Variants in ANKFN1 observed in about 807,000 individuals in gnomAD.
ANKFN1 encodes the protein ankyrin repeat and fibronectin type III domain containing 1, also known as ankyrin repeat and fibronectin type-III domain-containing protein 1.
In ANKFN1, 74 loss-of-function variants were observed where a neutral mutation model predicts 108.7. The ratio of observed to expected loss-of-function variants is 0.68; its 90% CI spans 0.56 to 0.83. The LOEUF is 0.83. Ranked by LOEUF, ANKFN1 falls within the 40% of genes least tolerant of loss-of-function variation. The pLI is 0.00. For missense variants in ANKFN1, 1,505 were observed against 1,382.3 expected (o/e 1.09, Z -1.41); for synonymous variants, 547 against 516.2 (o/e 1.06, Z -0.81).
intron 10 of ANKFN1, among the ~76,000 whole-genome samples, chr17:56,447,793 A>C (rs2049347180): frequency 6.6e-6 from 1 of 152,226 alleles, no homozygotes; most frequent in Non-Finnish European, 1.5e-5. Flanking sequence ...TATCCTGCAA[A>C]GTAGATACTA....
At chr17:56,224,324 A>T (rs75425250) in intron 2 of ANKFN1, among the ~76,000 whole-genome samples, 3,439 of 152,348 alleles carry the variant, frequency 0.023, 65 homozygotes, top group South Asian at 0.056. Context: ...TAGTCCTACC[A>T]TAGCATTAAG....
At chr17:56,472,298 C>A (rs939678521) in intron 15 of ANKFN1, 1 of 151,884 alleles carries the variant, frequency 6.6e-6, no homozygotes, top group African/African-American at 2.4e-5. Flanking sequence ...AATCTTGGAC[C>A]TACAAAGACC....
chr17:56,241,151 T>C lies in ANKFN1; in HGVS notation c.53+13194T>C, dbSNP rs149868929. Among the ~76,000 whole-genome samples the C allele has an allele frequency of 2.6e-4, 40 of 152,226 alleles. No individual in the cohort carries two copies. In the East Asian group the frequency reaches 7.7e-3, roughly 29 times the overall value. On this transcript the variant is annotated intron_variant, in intron 3 of 20. Coordinates refer to ENST00000682825, the MANE Select transcript of ANKFN1 (RefSeq NM_001370326.1). ...TTCACATTTGTGTTTTTTATCTATATGAAAGTTACATTTTCTGGAGGCTGA... is the reference window on the plus strand; with the variant it reads ...TTCACATTTGTGTTTTTTATCTATACGAAAGTTACATTTTCTGGAGGCTGA...
At chr17:56,091,359 A>G (rs763290852) in intron 4 of ANKFN1, among the ~76,000 whole-genome samples, 2 of 150,746 alleles carry the variant, frequency 1.3e-5, no homozygotes, top group Admixed American at 6.6e-5. Context: ...TTAAATGAAT[A>G]GGGTTTATTT....
rs189230981 is a variant in ANKFN1 at position 56,327,660 on chromosome 17, G to T, written c.188+1305G>T. Among the ~76,000 whole-genome samples, 8 of 152,254 alleles carry T rather than the reference G, an allele frequency of 5.3e-5. No individual in the cohort carries two copies. The East Asian group carries it at 1.5e-3, about 29-fold the overall frequency. On this transcript the variant is annotated intron_variant, in intron 4 of 20. Transcript: ENST00000682825. ...GAGTTGCCTACTGGTTACAGGAATGGTGAGATGTCAGGATAGTTGCATATT... is the reference window on the plus strand; with the variant it reads ...GAGTTGCCTACTGGTTACAGGAATGTTGAGATGTCAGGATAGTTGCATATT...
intron 3 of ANKFN1, among the ~76,000 whole-genome samples, chr17:56,228,742 G>T (rs1916480576): frequency 6.6e-6 from 1 of 152,064 alleles, no homozygotes; most frequent in African/African-American, 2.4e-5. Flanking sequence ...AGCTCAAAAT[G>T]TAGTAAGTTG....
intron 1 of ANKFN1, among the ~76,000 whole-genome samples, chr17:56,207,340 T>A (rs1914623276): frequency 6.6e-6 from 1 of 152,224 alleles, no homozygotes; most frequent in African/African-American, 2.4e-5. Flanking sequence ...TAATGCACAC[T>A]GTGTTTGAGA....
intron 3 of ANKFN1, among the ~76,000 whole-genome samples, chr17:56,258,637 G>A (rs898040854): frequency 1.6e-4 from 25 of 152,160 alleles, no homozygotes; most frequent in Non-Finnish European, 2.9e-4. Flanking sequence ...GAGGTCAGGC[G>A]CGGTGGCTCA....
chr17:56,241,971 GT>G (rs920136977), intron 3 of ANKFN1, among the ~76,000 whole-genome samples: 1 of 152,030 alleles, frequency 6.6e-6, no homozygotes, highest in African/African-American at 2.4e-5. Flanking sequence ...GTGGGATGGT[GT>G]GAGACTTCAT....
chr17:56,153,707 T>C, intron 1 of ANKFN1, 177 bp downstream of exon 1: 1 of 824,598 alleles, frequency 1.2e-6, no homozygotes, highest in Non-Finnish European at 2.0e-6. Context: ...CAAATGTTGA[T>C]CTGAAGTAGT....
At chr17:56,283,255 T>A (rs946212220) in intron 3 of ANKFN1, among the ~76,000 whole-genome samples, 1 of 152,080 alleles carries the variant, frequency 6.6e-6, no homozygotes, top group African/African-American at 2.4e-5. Context: ...TCCAGCTCCA[T>A]CATGTTGCTG....
chr17:56,068,913 T>C (rs1393533414), intron 4 of ANKFN1, among the ~76,000 whole-genome samples: 1 of 152,228 alleles, frequency 6.6e-6, no homozygotes, highest in Non-Finnish European at 1.5e-5. Flanking sequence ...CTCTTTGAAA[T>C]CTACATGATG....
intron 1 of ANKFN1, among the ~76,000 whole-genome samples, chr17:56,197,195 T>C (rs968023247): frequency 1.3e-5 from 2 of 152,200 alleles, no homozygotes; most frequent in Non-Finnish European, 1.5e-5. Context: ...CCTTGTTCTG[T>C]TCCATTCCTG....
chr17:56,203,454 T>C (rs1914230667), intron 1 of ANKFN1, among the ~76,000 whole-genome samples: 1 of 152,182 alleles, frequency 6.6e-6, no homozygotes, highest in Non-Finnish European at 1.5e-5. Flanking sequence ...TCATTCCTGA[T>C]CTCTAGGACT....
intron 14 of ANKFN1, chr17:56,463,801 A>C (rs1408964051): frequency 2.0e-5 from 3 of 152,200 alleles, no homozygotes; most frequent in African/African-American, 7.2e-5. Flanking sequence ...AGATTTTCCC[A>C]AAATTTTGCT....
chr17:56,167,111 C>G (rs1377865848), intron 1 of ANKFN1, among the ~76,000 whole-genome samples: 3 of 151,378 alleles, frequency 2.0e-5, no homozygotes, highest in Non-Finnish European at 4.4e-5. Flanking sequence ...ACCTCATGAG[C>G]TTAGTGTGGA....
intron 9 of ANKFN1, among the ~76,000 whole-genome samples, chr17:56,441,158 A>G (rs1408713616): frequency 6.6e-6 from 1 of 152,238 alleles, no homozygotes. Context: ...TGCAAAAGAT[A>G]AAATTCTTTT....
intron 4 of ANKFN1, chr17:56,111,044 G>A (rs1905931409): frequency 2.0e-5 from 3 of 152,394 alleles, no homozygotes; most frequent in South Asian, 2.1e-4. Context: ...TGAGCCCCAG[G>A]TGGTAAGTCT....
intron 8 of ANKFN1, among the ~76,000 whole-genome samples, chr17:56,379,583 A>G (rs971413992): frequency 3.9e-5 from 6 of 152,178 alleles, no homozygotes; most frequent in Non-Finnish European, 7.3e-5. Flanking sequence ...TTCTAATCCT[A>G]CAACTGGATG....
Sources: gnomAD v4.1 joint callset for allele counts (sites outside exome capture counted in the v4.1 genomes callset) on GRCh38, gnomAD v4.1.1 for gene constraint, MANE v1.5 for transcripts, NCBI Gene and HGNC (gene_info 2026-07-23, HGNC 2026-07-21) for gene names.